CTSV: variants seen among roughly 807,000 people sequenced by gnomAD.
CTSV encodes the protein cathepsin L2.
In CTSV, 33 loss-of-function variants were observed where a neutral mutation model predicts 35.6. The observed-to-expected ratio is 0.93, with a 90% confidence interval of 0.70 to 1.24. The LOEUF is 1.24. Among genes scored for constraint, CTSV ranks in the 50% most tolerant of loss-of-function variants. CTSV has a pLI of 0.00. For synonymous variants in CTSV, 154 were observed against 147.1 expected (o/e 1.05, Z -0.34); for missense variants, 408 against 413.1 (o/e 0.99, Z 0.11).
rs942783162 is a variant in CTSV, at chr9:97,030,824, G to A, written c.*2125C>T. ...CATTCCGGTAAACCTTCAGCATGGCGTCATGGCCATCATGAACCTGTCACA... is the reference window on the plus strand; with the variant it reads ...CATTCCGGTAAACCTTCAGCATGGCATCATGGCCATCATGAACCTGTCACA... On this transcript the variant is annotated 3_prime_UTR_variant, in exon 8 of 8. Transcript: ENST00000259470. 2.0e-5 allele frequency: 3 copies of A among 152,086 alleles called. No homozygotes were observed. Among genetic ancestry groups the A allele is most frequent in the African/African-American group, 4.8e-5 (2 of 41,414 alleles). The allele number at this position is 152,086 out of a possible 1,614,324, so 9.4% of individuals were successfully genotyped here.
Position 97,037,617 on chromosome 9 carries a change from T to C in CTSV, c.127-2A>G. 6.2e-7 allele frequency: 1 copy of C among 1,613,898 alleles called. No individual in the cohort carries two copies. The highest frequency in any genetic ancestry group is 8.5e-7 in the Non-Finnish European group (1 of 1,179,940). On this transcript the variant is annotated splice_acceptor_variant, in intron 2 of 7. Coordinates refer to ENST00000259470, the MANE Select transcript of CTSV (RefSeq NM_001333.4). LOFTEE classifies it high-confidence loss of function. ...TGCTCTCCTCCATCCTTCTTCATTC[T>C]AGAGGCAAACATATAGCTGGTGGAC...
chr9:97,037,511 C>G lies in CTSV; in HGVS notation c.231G>C (p.Met77Ile). The G allele has an allele frequency of 1.2e-6, 2 of 1,614,222 alleles. No individual in the cohort carries two copies. The highest frequency in any genetic ancestry group is 1.7e-6 in the Non-Finnish European group (2 of 1,180,028). The change falls in exon 3 of 8, where the codon ATG (methionine) becomes ATC (isoleucine). Residue 77 changes from methionine to isoleucine, a missense_variant. Transcript: ENST00000259470. ...CACTCACCATGTCACCAAAAGCATT[C>G]ATGGCCATTGTGAAGCCATGTTTCC... is the stretch of plus-strand genomic sequence containing the variant. ...SQGKHGFTMA[M>I]NAFGDMTNEE...
In CTSV at chr9:97,030,785, G is replaced by T. The variant is rs530450465; in HGVS notation, c.*2164C>A. 2 of 152,286 alleles carry T rather than the reference G, an allele frequency of 1.3e-5. No individual in the cohort carries two copies. The highest frequency in any genetic ancestry group is 4.1e-4 in the South Asian group (2 of 4,824). 9.4% of individuals were successfully genotyped at this position (152,286 alleles called of 1,614,324 possible). On this transcript the variant is annotated 3_prime_UTR_variant, in exon 8 of 8. Transcript: ENST00000259470. ...CGTTTTCCCGCCCTGGGTGGTCCAG[G>T]TGTTCCTTGCTCTCATTCCGGTAAA...
At chr9:97,033,850 C>T (rs1828800468) in intron 7 of CTSV, among the ~76,000 whole-genome samples, 1 of 152,026 alleles carries the variant, frequency 6.6e-6, no homozygotes, top group African/African-American at 2.4e-5. Context: ...AATACCAGTG[C>T]TTTGGGAGGC....
intron 6 of CTSV, 42 bp downstream of exon 6, chr9:97,035,486 T>C (rs746951928): frequency 2.9e-6 from 4 of 1,396,698 alleles, no homozygotes; most frequent in Non-Finnish European, 3.8e-6. Flanking sequence ...ACAGTGATGC[T>C]TCCCAATTCT....
chr9:97,033,036 T>C lies in CTSV; in HGVS notation c.918A>G (p.Glu306=), dbSNP rs200849576. The change falls in exon 8 of 8, where the codon GAA becomes GAG. Residue 306 remains glutamate, a synonymous_variant. Transcript: ENST00000259470. ...YWLVKNSWGP[E]WGSNGYVKIA... Reference sequence around the variant, plus strand: ...TTTTTACATAGCCATTCGAGCCCCATTCTGGACCCCAGCTGAAAGAGGAGC... The same window carrying C: ...TTTTTACATAGCCATTCGAGCCCCACTCTGGACCCCAGCTGAAAGAGGAGC... 9.1e-5 allele frequency: 147 copies of C among 1,610,810 alleles called. 1 individual carries two copies. In the East Asian group the frequency reaches 1.0e-3, roughly 11 times the overall value.
chr9:97,036,303 C>T (rs1207446445), intron 5 of CTSV: 1 of 566,844 alleles, frequency 1.8e-6, no homozygotes, highest in African/African-American at 1.9e-5. Context: ...GATCTCCTGA[C>T]CTCGTGATCC....
In CTSV at chr9:97,029,770, A is replaced by C. The variant is rs929042841; in HGVS notation, c.*3179T>G. 1 of 152,230 alleles carries C rather than the reference A, an allele frequency of 6.6e-6. No homozygotes were observed. The highest frequency in any genetic ancestry group is 2.4e-5 in the African/African-American group (1 of 41,466). The allele number at this position is 152,230 out of a possible 1,614,324, so 9.4% of individuals were successfully genotyped here. Reference sequence around the variant, plus strand: ...TTACAATTGAGATATCCATACACACAAGTCATGTGCTGTGTGATGTTTTGG... The same window carrying C: ...TTACAATTGAGATATCCATACACACCAGTCATGTGCTGTGTGATGTTTTGG... On this transcript the variant is annotated 3_prime_UTR_variant, in exon 8 of 8. Transcript: ENST00000259470.
chr9:97,036,745 T>C lies in CTSV; in HGVS notation c.399A>G (p.Lys133=), dbSNP rs1259506482. 1.3e-6 allele frequency: 2 copies of C among 1,588,070 alleles called. No individual in the cohort carries two copies. Among genetic ancestry groups the C allele is most frequent in the South Asian group, 2.3e-5 (2 of 86,944 alleles). ...TAAAAGCCCAACAAGAACCACACTG[T>C]TTCTAAAAAGGGAGAAAAAAAAAGC... The part of the protein sequence containing the change: ...KGYVTPVKNQ[K]QCGSCWAFSA... Residue 133 remains lysine (K), a splice_region_variant and synonymous_variant, in exon 5 of 8, where the codon AAA becomes AAG. Transcript: ENST00000259470.
At chr9:97,034,951 C>CTTTG in intron 6 of CTSV, 108 bp from the exon 7 acceptor site, 1 of 785,984 alleles carries the variant, frequency 1.3e-6, no homozygotes, top group Non-Finnish European at 2.1e-6. Flanking sequence ...AGTAAAATGT[C>CTTTG]ATAAACAAAT....
chr9:97,035,733 C>G, intron 5 of CTSV, 40 bp from the exon 6 acceptor site: 1 of 1,320,880 alleles, frequency 7.6e-7, no homozygotes, highest in Non-Finnish European at 9.9e-7. Flanking sequence ...TCACTACCAT[C>G]TACCTCCTGG....
At chr9:97,035,804 C>T in intron 5 of CTSV, 111 bp from the exon 6 acceptor site, 2 of 597,170 alleles carry the variant, frequency 3.3e-6, no homozygotes, top group Non-Finnish European at 5.1e-6. Context: ...TCCAAATCAA[C>T]ACCCTTATAA....
rs749575181 is a variant in CTSV at position 97,039,095 on chromosome 9, C to A, written c.-35G>T. On this transcript the variant is annotated 5_prime_UTR_variant, in exon 1 of 8. Coordinates refer to ENST00000259470, the MANE Select transcript of CTSV (RefSeq NM_001333.4). ...CCAGCAGCCGTCGCAGCTGCGCAGG[C>A]ACCCTCAGCAAACAAGCCTCTGAGA... 1 of 152,650 alleles carries A rather than the reference C, an allele frequency of 6.6e-6. No homozygotes were observed. Among genetic ancestry groups the A allele is most frequent in the African/African-American group, 2.4e-5 (1 of 41,478 alleles). 9.5% of individuals were successfully genotyped at this position (152,650 alleles called of 1,614,324 possible).
At chr9:97,038,142 T>C (rs1828889659) in intron 1 of CTSV, 89 bp from the exon 2 acceptor site, 1 of 1,353,192 alleles carries the variant, frequency 7.4e-7, no homozygotes, top group Non-Finnish European at 1.0e-6. Flanking sequence ...TTTCAATTAT[T>C]CTCCCTAGCA....
At chr9:97,037,032 A>C (rs975371991) in intron 4 of CTSV, among the ~76,000 whole-genome samples, 15 of 152,076 alleles carry the variant, frequency 9.9e-5, no homozygotes, top group African/African-American at 3.6e-4. Context: ...TCTTGAACCC[A>C]GGAGGCAGAG....
chr9:97,036,666 A>G lies in CTSV; in HGVS notation c.478T>C (p.Ser160Pro). Residue 160 changes from serine (S) to proline (P), a missense_variant, in exon 5 of 8, where the codon TCA becomes CCA. By Grantham distance (74) the Ser-to-Pro change is moderately conservative. Transcript: ENST00000259470. ...QMFRKTGKLV[S>P]LSEQNLVDCS... ...TCCACCAGATTCTGCTCGCTCAGTGAGACAAGTTTCCCAGTTTTCCGGAAC... is the reference window on the plus strand; with the variant it reads ...TCCACCAGATTCTGCTCGCTCAGTGGGACAAGTTTCCCAGTTTTCCGGAAC... 6.2e-7 allele frequency: 1 copy of G among 1,614,016 alleles called. No individual in the cohort carries two copies. Among genetic ancestry groups the G allele is most frequent in the Non-Finnish European group, 8.5e-7 (1 of 1,180,004 alleles).
chr9:97,036,442 G>T, intron 5 of CTSV, 81 bp downstream of exon 5: 1 of 990,828 alleles, frequency 1.0e-6, no homozygotes, highest in South Asian at 1.3e-5. Flanking sequence ...TGTGAATTCT[G>T]AAAAAAGTAT....
At position 97,037,480 on chromosome 9, in the gene CTSV, T is replaced by C. The variant is rs774926967; in HGVS notation, c.249+13A>G. 6.2e-7 allele frequency: 1 copy of C among 1,614,158 alleles called. No homozygotes were observed. Among genetic ancestry groups the C allele is most frequent in the East Asian group, 2.2e-5 (1 of 44,884 alleles). On this transcript the variant is annotated intron_variant, in intron 3 of 7. Transcript: ENST00000259470. ...GAAGCAGCACAGAGTTCAGCAATCC[T>C]TGCCACACTCACCATGTCACCAAAA...
chr9:97,037,422 G>A, intron 3 of CTSV, 24 bp from the exon 4 acceptor site: 1 of 1,613,824 alleles, frequency 6.2e-7, no homozygotes, highest in African/African-American at 1.3e-5. Context: ...TAAATAAAAT[G>A]TTAAAAGCAA....
Sources: allele counts gnomAD v4.1 joint callset (sites outside exome capture counted in the v4.1 genomes callset), GRCh38; gene constraint gnomAD v4.1.1; transcripts MANE v1.5; gene names NCBI Gene and HGNC (gene_info 2026-07-23, HGNC 2026-07-21).